Variants in FYTTD1 observed in about 807,000 individuals in gnomAD.
The protein encoded by FYTTD1 is UAP56-interacting factor.
In FYTTD1, 22 loss-of-function variants were observed where a neutral mutation model predicts 40.9. The observed-to-expected ratio is 0.54, with a 90% CI of 0.38 to 0.77. The LOEUF (loss-of-function observed/expected upper bound fraction) is 0.77, where lower values mean the gene tolerates loss of function less well. Ranked by LOEUF, FYTTD1 falls within the 30% of genes least tolerant of loss-of-function variation. FYTTD1 has a pLI of 0.00. For synonymous variants in FYTTD1, 140 were observed against 137.9 expected (o/e 1.01, Z -0.10); for missense variants, 351 against 392.2 (o/e 0.90, Z 0.89).
In FYTTD1 at chr3:197,768,540, A is replaced by G. The variant is rs767402197; in HGVS notation, c.337A>G (p.Ile113Val). Residue 113 changes from isoleucine (I) to valine (V), a missense_variant, in exon 3 of 9, where the codon ATT (isoleucine) becomes GTT (valine). Ile to Val is a conservative substitution (Grantham distance 29). Transcript: ENST00000241502. ...CCTTGCAGCTAGGAAAACGACTGGAATTCGAAAAGGAATTAGTCCTATGAA... is the reference window on the plus strand; with the variant it reads ...CCTTGCAGCTAGGAAAACGACTGGAGTTCGAAAAGGAATTAGTCCTATGAA... Reference protein sequence around the residue: ...TGLAARKTTGIRKGISPMNRP... With the variant: ...TGLAARKTTGVRKGISPMNRP... 1 of 1,613,878 alleles carries G rather than the reference A, an allele frequency of 6.2e-7. No homozygotes were observed. The highest frequency in any genetic ancestry group is 8.5e-7 in the Non-Finnish European group (1 of 1,179,802).
chr3:197,765,267 T>C (rs891901014), intron 2 of FYTTD1, among the ~76,000 whole-genome samples: 4 of 152,180 alleles, frequency 2.6e-5, no homozygotes, highest in African/African-American at 9.7e-5. Flanking sequence ...TTCGTCCTCC[T>C]TTTAATCGTT....
At chr3:197,771,111 T>C (rs1322300488) in intron 4 of FYTTD1, among the ~76,000 whole-genome samples, 1 of 152,158 alleles carries the variant, frequency 6.6e-6, no homozygotes, top group African/African-American at 2.4e-5. Context: ...TCCCAGCTAC[T>C]TACGAGGCTG....
At chr3:197,769,245 G>A (rs1176372020) in intron 3 of FYTTD1, among the ~76,000 whole-genome samples, 1 of 151,594 alleles carries the variant, frequency 6.6e-6, no homozygotes, top group Non-Finnish European at 1.5e-5. Context: ...GTGCCACCAT[G>A]CCTGGCTAAT....
chr3:197,754,121 A>AT (rs893662958), intron 1 of FYTTD1, among the ~76,000 whole-genome samples: 28 of 151,992 alleles, frequency 1.8e-4, no homozygotes, highest in Non-Finnish European at 5.9e-5. Flanking sequence ...GACAAAATTC[A>AT]TTTTTTTGGT....
intron 1 of FYTTD1, among the ~76,000 whole-genome samples, chr3:197,751,326 T>G (rs1729033619): frequency 6.6e-6 from 1 of 152,170 alleles, no homozygotes; most frequent in South Asian, 2.1e-4. Flanking sequence ...TGCTGCTGGT[T>G]AGTAGTGAGC....
rs1560501203 is a variant in FYTTD1 at position 197,778,480 on chromosome 3, C to A, written c.858+16C>A. 2 of 1,569,406 alleles carry A rather than the reference C, an allele frequency of 1.3e-6. No individual in the cohort carries two copies. The highest frequency in any genetic ancestry group is 1.7e-6 in the Non-Finnish European group (2 of 1,148,914). On this transcript the variant is annotated intron_variant, in intron 8 of 8. Transcript: ENST00000241502. ...CGGAAAACAGGTAAAAAAACGTTTT[C>A]TGTATTTTCTTGGGTCATTTGCTGA...
chr3:197,755,535 T>C (rs375774199), intron 1 of FYTTD1: 28 of 171,844 alleles, frequency 1.6e-4, no homozygotes, highest in African/African-American at 6.7e-4. Flanking sequence ...AACCTCTGCC[T>C]CCCGAGTTCA....
Position 197,781,346 on chromosome 3 carries a change from T to C in FYTTD1, c.859-465T>C, listed in dbSNP as rs114107808. ...AAAAAAAATTTTGACCAAATTTGTT[T>C]TGCTTATTTTTATTTTGTTGCTATT... On this transcript the variant is annotated intron_variant, in intron 8 of 8. Transcript: ENST00000241502. Among the ~76,000 whole-genome samples, 1,242 of 152,204 alleles carry C rather than the reference T, an allele frequency of 8.2e-3. 14 individuals are homozygous for C. Among genetic ancestry groups the C allele is most frequent in the African/African-American group, 0.028 (1,170 of 41,518 alleles).
intron 2 of FYTTD1, among the ~76,000 whole-genome samples, chr3:197,765,349 G>C (rs1474435591): frequency 1.3e-5 from 2 of 152,074 alleles, no homozygotes; most frequent in Non-Finnish European, 2.9e-5. Context: ...AAGGAAGATT[G>C]TTAGCATCAG....
chr3:197,756,657 C>G, intron 2 of FYTTD1, 100 bp downstream of exon 2: 1 of 1,118,524 alleles, frequency 8.9e-7, no homozygotes, highest in Non-Finnish European at 1.3e-6. Flanking sequence ...CGTCAGTACT[C>G]TTTGTGTTTT....
chr3:197,765,420 A>C (rs1414622035), intron 2 of FYTTD1, among the ~76,000 whole-genome samples: 1 of 152,220 alleles, frequency 6.6e-6, no homozygotes, highest in Non-Finnish European at 1.5e-5. Context: ...AGTGAAGGGT[A>C]GCTGTTACAT....
rs1580477184 is a variant in FYTTD1 at position 197,786,617 on chromosome 3, T to G, written c.*4708T>G. The G allele has an allele frequency of 6.6e-6, 1 of 152,228 alleles. No homozygotes were observed. Among genetic ancestry groups the G allele is most frequent in the East Asian group, 1.9e-4 (1 of 5,206 alleles). 9.4% of individuals were successfully genotyped at this position (152,228 alleles called of 1,614,324 possible). On this transcript the variant is annotated 3_prime_UTR_variant, in exon 9 of 9. Transcript: ENST00000241502. ...CCCTTTAATGAGAAAAGAATCATAT[T>G]GTCTGAATTTTCCTGTATAAAGTTT...
At chr3:197,757,050 T>A (rs1406704464) in intron 2 of FYTTD1, among the ~76,000 whole-genome samples, 3 of 152,254 alleles carry the variant, frequency 2.0e-5, no homozygotes, top group African/African-American at 7.2e-5. Flanking sequence ...GAGAACTCTT[T>A]AAGTATGTGG....
chr3:197,755,645 T>TTTAG, intron 1 of FYTTD1: 1 of 240,094 alleles, frequency 4.2e-6, no homozygotes, highest in Non-Finnish European at 7.8e-6. Context: ...TATTTATTTA[T>TTTAG]TTATTTATTT....
chr3:197,769,231 G>A (rs559755878), intron 3 of FYTTD1, among the ~76,000 whole-genome samples: 3 of 152,034 alleles, frequency 2.0e-5, no homozygotes, highest in South Asian at 2.1e-4. Flanking sequence ...GGGACTACAG[G>A]TGCGTGCCAC....
chr3:197,768,498 A>G lies in FYTTD1; in HGVS notation c.295A>G (p.Asn99Asp), dbSNP rs1340944949. Residue 99 changes from asparagine (N) to aspartate (D), a missense_variant, in exon 3 of 9, where the codon AAT becomes GAT. Transcript: ENST00000241502. Reference protein sequence around the residue: ...GRVMPGKRRPNGVITGLAARK... With the variant: ...GRVMPGKRRPDGVITGLAARK... ...AGTAATGCCTGGAAAGAGACGTCCT[A>G]ATGGAGTTATCACTGGCCTTGCAGC... 3.1e-6 allele frequency: 5 copies of G among 1,612,952 alleles called. No homozygotes were observed. Among genetic ancestry groups the G allele is most frequent in the Admixed American group, 3.3e-5 (2 of 59,994 alleles).
Position 197,768,428 on chromosome 3 carries a change from C to A in FYTTD1, c.236-11C>A. On this transcript the variant is annotated splice_polypyrimidine_tract_variant and intron_variant, in intron 2 of 8. Coordinates refer to ENST00000241502, the MANE Select transcript of FYTTD1 (RefSeq NM_032288.7). ...AAATTGACATTTTCTTCTGTTTTTG[C>A]CCTCCTATAGGTTTTGGTAAGACTA... The A allele has an allele frequency of 1.3e-6, 2 of 1,557,216 alleles. No individual in the cohort carries two copies. Among genetic ancestry groups the A allele is most frequent in the Non-Finnish European group, 1.7e-6 (2 of 1,148,100 alleles).
At chr3:197,774,250 T>G in intron 6 of FYTTD1, 40 bp downstream of exon 6, 1 of 1,498,050 alleles carries the variant, frequency 6.7e-7, no homozygotes. Flanking sequence ...ATTTCAAAAC[T>G]CCCAGAATAC....
At chr3:197,760,056 A>G (rs529199778) in intron 2 of FYTTD1, among the ~76,000 whole-genome samples, 2 of 151,838 alleles carry the variant, frequency 1.3e-5, no homozygotes, top group African/African-American at 4.8e-5. Context: ...GGTAGAACGT[A>G]TAGAGTTGTT....
Sources: allele counts gnomAD v4.1 joint callset (sites outside exome capture counted in the v4.1 genomes callset), GRCh38; gene constraint gnomAD v4.1.1; transcripts MANE v1.5; gene names NCBI Gene and HGNC (gene_info 2026-07-23, HGNC 2026-07-21).